The following PCBP3 variants were observed in gnomAD, a reference collection of about 807,000 sequenced individuals.
PCBP3 encodes the protein poly(rC)-binding protein 3.
Under a neutral mutation model 52.7 loss-of-function variants are expected in PCBP3, and 25 were observed. The observed-to-expected ratio is 0.47, with a 90% CI of 0.35 to 0.66. The LOEUF is 0.66. Among genes scored for constraint, PCBP3 ranks in the 30% least tolerant of loss-of-function variants. The pLI, the probability that PCBP3 is intolerant of heterozygous loss-of-function variation, is 0.01. For missense variants in PCBP3, 391 were observed against 490.3 expected, an observed-to-expected ratio of 0.80 and a Z score of 1.91; for synonymous variants, 162 against 183.0, an observed-to-expected ratio of 0.89 and a Z score of 0.93.
At chr21:45,854,627 G>T (rs1414301216) in intron 5 of PCBP3, among the ~76,000 whole-genome samples, 1 of 152,258 alleles carries the variant, frequency 6.6e-6, no homozygotes, top group Non-Finnish European at 1.5e-5. Context: ...CCTGTTGTAT[G>T]TAAAGACTGC....
chr21:45,864,986 A>G (rs1229050217), intron 5 of PCBP3, among the ~76,000 whole-genome samples: 1 of 152,242 alleles, frequency 6.6e-6, no homozygotes, highest in African/African-American at 2.4e-5. Context: ...CCCACCAACT[A>G]CAGCCTTCAA....
At position 45,917,914 on chromosome 21, in the gene PCBP3, G is replaced by A. The variant is rs1427048212; in HGVS notation, c.717+285G>A. The stretch of plus-strand genomic sequence containing the variant: ...GGGGCCTGGGAGGGAACTGAGACGG[G>A]CTCTGTCCCCGTGCAGGGCAGTGAG... On this transcript the variant is annotated intron_variant, in intron 13 of 17. Transcript: ENST00000681687. The surrounding 1 kb of genome is among the most constrained non-coding windows in gnomAD (Gnocchi z 5.3). 4.3e-6 allele frequency: 2 copies of A among 460,330 alleles called. No homozygotes were observed. Among genetic ancestry groups the A allele is most frequent in the African/African-American group, 2.0e-5 (1 of 50,288 alleles). 28.5% of individuals were successfully genotyped at this position (460,330 alleles called of 1,614,324 possible).
chr21:45,649,357 A>G (rs1251835928), intron 1 of PCBP3, among the ~76,000 whole-genome samples: 2 of 152,214 alleles, frequency 1.3e-5, no homozygotes, highest in Admixed American at 1.3e-4. Flanking sequence ...TTGGTTGGGG[A>G]CACAGCCAAA....
intron 2 of PCBP3, among the ~76,000 whole-genome samples, chr21:45,723,000 CA>C (rs1254947900): frequency 1.3e-5 from 2 of 149,898 alleles, no homozygotes; most frequent in Non-Finnish European, 3.0e-5. Context: ...GATGACCCAG[CA>C]AGACCCGTCT....
intron 2 of PCBP3, among the ~76,000 whole-genome samples, chr21:45,710,401 C>T (rs999412305): frequency 4.2e-4 from 64 of 152,062 alleles, no homozygotes; most frequent in Admixed American, 2.7e-3. Flanking sequence ...TGAGAACATG[C>T]GGTGTTTGGT....
Position 45,896,296 on chromosome 21 carries a change from G to A in PCBP3, c.99G>A (p.Met33Ile), listed in dbSNP as rs1290729489. 2 of 1,552,114 alleles carry A rather than the reference G, an allele frequency of 1.3e-6. No homozygotes were observed. Among genetic ancestry groups the A allele is most frequent in the Non-Finnish European group, 1.7e-6 (2 of 1,147,140 alleles). The part of the protein sequence containing the change: ...HHPQPQFGRR[M>I]ESKVSEGGLN... The stretch of plus-strand genomic sequence containing the variant: ...CTCAGCCACAATTTGGCAGAAGGAT[G>A]GAGTCCAAGGTCTCAGAAGGTGGCC... The change falls in exon 6 of 18, where the codon ATG becomes ATA. Residue 33 changes from methionine to isoleucine, a missense_variant. Transcript: ENST00000681687.
chr21:45,867,187 G>A (rs1379714679), intron 5 of PCBP3, among the ~76,000 whole-genome samples: 2 of 152,220 alleles, frequency 1.3e-5, no homozygotes, highest in Non-Finnish European at 2.9e-5. Context: ...AGCAGGCGTG[G>A]AAGGGAAGGC....
intron 1 of PCBP3, among the ~76,000 whole-genome samples, chr21:45,664,923 C>T (rs949589104): frequency 4.6e-5 from 7 of 151,708 alleles, no homozygotes; most frequent in Non-Finnish European, 7.4e-5. Context: ...CAATTTCATC[C>T]GTGATGTTTT....
chr21:45,832,392 A>G (rs935904451), intron 4 of PCBP3, among the ~76,000 whole-genome samples: 6 of 152,130 alleles, frequency 3.9e-5, no homozygotes, highest in African/African-American at 1.4e-4. Context: ...TCTCATCCCA[A>G]GACTTAGAAT....
intron 2 of PCBP3, among the ~76,000 whole-genome samples, chr21:45,690,607 T>C (rs2082403642): frequency 6.6e-6 from 1 of 152,038 alleles, no homozygotes; most frequent in South Asian, 2.1e-4. Flanking sequence ...CAAAGAACTT[T>C]TGCAGCTCAA....
intron 4 of PCBP3, among the ~76,000 whole-genome samples, chr21:45,849,197 C>T (rs773796910): frequency 1.4e-5 from 2 of 138,070 alleles, no homozygotes; most frequent in African/African-American, 2.7e-5. Context: ...CCAAATATGC[C>T]TTTTTTTTTT....
chr21:45,786,971 C>T (rs1002861603), intron 4 of PCBP3, among the ~76,000 whole-genome samples: 4 of 152,174 alleles, frequency 2.6e-5, no homozygotes, highest in South Asian at 2.1e-4. Flanking sequence ...GGAAAGGGCC[C>T]GTGCTGCAAC....
At chr21:45,897,635 A>G (rs572211076) in intron 6 of PCBP3, among the ~76,000 whole-genome samples, 105 of 152,114 alleles carry the variant, frequency 6.9e-4, no homozygotes, top group Non-Finnish European at 1.2e-3. Flanking sequence ...CCCTGTTCCT[A>G]TAGCCCCATC....
At chr21:45,835,064 T>C (rs2093551380) in intron 4 of PCBP3, among the ~76,000 whole-genome samples, 1 of 152,230 alleles carries the variant, frequency 6.6e-6, no homozygotes, top group East Asian at 1.9e-4. Flanking sequence ...ACACGGGGGC[T>C]GCTCCCCACT....
intron 10 of PCBP3, among the ~76,000 whole-genome samples, 194 bp downstream of exon 10, chr21:45,909,680 C>T (rs1394615034): frequency 6.6e-6 from 1 of 151,866 alleles, no homozygotes; most frequent in African/African-American, 2.4e-5. Flanking sequence ...ACTGCAGGGA[C>T]CCAGCCCACC....
Position 45,846,433 on chromosome 21 carries a change from T to G in PCBP3, c.-125-3528T>G, listed in dbSNP as rs61226307. On this transcript the variant is annotated intron_variant, in intron 4 of 17. Transcript: ENST00000681687. ...ATACAAGCTAGTTTTTTGTTTGTTTTTTTTTTTTAACGAATGTTTCAAGTA... is the reference window on the plus strand; with the variant it reads ...ATACAAGCTAGTTTTTTGTTTGTTTGTTTTTTTTAACGAATGTTTCAAGTA... 8.1e-4 allele frequency among the ~76,000 whole-genome samples: 121 copies of G among 149,166 alleles called. No homozygotes were observed. The East Asian group carries it at 0.015, about 18-fold the overall frequency.
At chr21:45,757,248 T>G (rs1044573372) in intron 4 of PCBP3, among the ~76,000 whole-genome samples, 1 of 152,242 alleles carries the variant, frequency 6.6e-6, no homozygotes, top group Non-Finnish European at 1.5e-5. Flanking sequence ...TATCGTGCTG[T>G]GGTATTGATT....
chr21:45,781,860 G>T (rs542173103), intron 4 of PCBP3, among the ~76,000 whole-genome samples: 2 of 152,210 alleles, frequency 1.3e-5, no homozygotes, highest in African/African-American at 4.8e-5. Flanking sequence ...CAGTTACCTG[G>T]CAACCACTCA....
chr21:45,655,799 A>G (rs1268324338), intron 1 of PCBP3, among the ~76,000 whole-genome samples: 1 of 152,222 alleles, frequency 6.6e-6, no homozygotes, highest in African/African-American at 2.4e-5. Context: ...CAAAGTACTT[A>G]AACAAATTTT....
Sources: allele counts gnomAD v4.1 joint callset (sites outside exome capture counted in the v4.1 genomes callset), GRCh38; gene constraint gnomAD v4.1.1; non-coding constraint Gnocchi (gnomAD v3.1); transcripts MANE v1.5; gene names NCBI Gene and HGNC (gene_info 2026-07-23, HGNC 2026-07-21).